TBCK: variants seen among roughly 807,000 people sequenced by gnomAD.
The protein encoded by TBCK is TBC domain-containing protein kinase-like protein.
Under a neutral mutation model 113.4 loss-of-function variants are expected in TBCK, and 99 were observed. The observed-to-expected ratio is 0.87, with a 90% confidence interval of 0.74 to 1.03. TBCK has a LOEUF of 1.03. Ranked by LOEUF, TBCK falls within the 50% of genes least tolerant of loss-of-function variation. The pLI is 0.00. For synonymous variants in TBCK, 369 were observed against 370.8 expected (o/e 1.00, Z 0.05); for missense variants, 1,045 against 1,061.3 (o/e 0.98, Z 0.21).
At chr4:106,307,383 T>C (rs985609446) in intron 2 of TBCK, among the ~76,000 whole-genome samples, 3 of 152,138 alleles carry the variant, frequency 2.0e-5, no homozygotes, top group Admixed American at 1.3e-4. Flanking sequence ...CTAAGAATAT[T>C]GCCTTATATA....
chr4:106,193,686 G>A lies in TBCK; in HGVS notation c.1982C>T (p.Ala661Val), dbSNP rs768774038. 9 of 1,613,292 alleles carry A rather than the reference G, an allele frequency of 5.6e-6. No individual in the cohort carries two copies. The highest frequency in any genetic ancestry group is 7.6e-6 in the Non-Finnish European group (9 of 1,179,560). ...NSSFPFCIGV[A>V]ILQQLRDRLL... ...CCGGTCCCGCAGCTGCTGAAGAATT[G>A]CTACTCCAATACAGAATGGGAAAGA... The change falls in exon 22 of 26, where the codon GCA becomes GTA. Residue 661 changes from alanine (A) to valine (V), a missense_variant. Physicochemically the swap from Ala to Val is moderately conservative, Grantham distance 64. Transcript: ENST00000394708.
At chr4:106,282,802 CT>C (rs1560963137) in intron 3 of TBCK, among the ~76,000 whole-genome samples, 1 of 152,094 alleles carries the variant, frequency 6.6e-6, no homozygotes, top group African/African-American at 2.4e-5. Context: ...GAGGGAATCT[CT>C]TCACAGGGCA....
intron 3 of TBCK, among the ~76,000 whole-genome samples, chr4:106,279,717 C>T (rs1056963031): frequency 1.3e-5 from 2 of 152,124 alleles, no homozygotes; most frequent in Non-Finnish European, 2.9e-5. Flanking sequence ...TATCATTTAA[C>T]AAAATGACCT....
chr4:106,152,136 A>C (rs1156868734), intron 23 of TBCK, among the ~76,000 whole-genome samples: 7 of 151,938 alleles, frequency 4.6e-5, no homozygotes, highest in Non-Finnish European at 1.0e-4. Flanking sequence ...ACAGTAGTTA[A>C]AGTGGGCCAT....
chr4:106,235,234 A>T (rs1759312389), intron 15 of TBCK, 35 bp downstream of exon 15: 1 of 1,431,204 alleles, frequency 7.0e-7, no homozygotes, highest in East Asian at 2.3e-5. Flanking sequence ...TCTTTGCATA[A>T]TTAATCAGCT....
In TBCK at chr4:106,122,249, C is replaced by T. The variant is rs543461791; in HGVS notation, c.2236-5871G>A. ...CCATCAGAGAATACTACAAACACCT[C>T]TACGCAAATAAACTAGAAAATCTAA... is the stretch of plus-strand genomic sequence containing the variant. On this transcript the variant is annotated intron_variant, in intron 23 of 25. Transcript: ENST00000394708. Among the ~76,000 whole-genome samples, 22 of 152,222 alleles carry T rather than the reference C, an allele frequency of 1.4e-4. No individual in the cohort carries two copies. The East Asian group carries it at 4.2e-3, about 29-fold the overall frequency.
rs553127114 is a variant in TBCK at position 106,202,235 on chromosome 4, C to T, written c.1861-7481G>A. ...AGCAGAAAATAAAAAGAATAGACTC[C>T]TAGGCACTGTATAAAATATTTTATT... On this transcript the variant is annotated intron_variant, in intron 20 of 25. Transcript: ENST00000394708. 3.3e-5 allele frequency among the ~76,000 whole-genome samples: 5 copies of T among 151,520 alleles called. No individual in the cohort carries two copies. In the South Asian group the frequency reaches 1.0e-3, roughly 32 times the overall value.
At chr4:106,181,980 T>C (rs547369495) in intron 22 of TBCK, among the ~76,000 whole-genome samples, 1 of 152,338 alleles carries the variant, frequency 6.6e-6, no homozygotes, top group Admixed American at 6.5e-5. Context: ...TTTCACAATA[T>C]TGATTCTTCC....
chr4:106,268,614 C>T (rs61544154), intron 3 of TBCK, among the ~76,000 whole-genome samples: 21,448 of 151,896 alleles, frequency 0.14, 1,705 homozygotes, highest in South Asian at 0.25. Context: ...AAAAAAAATT[C>T]ATTTGCTGAA....
rs150393070 is a variant in TBCK at position 106,232,770 on chromosome 4, A to T, written c.1639+168T>A. 1.8e-3 allele frequency among the ~76,000 whole-genome samples: 267 copies of T among 152,178 alleles called. 6 individuals carry two copies. The East Asian group carries it at 0.048, about 27-fold the overall frequency. On this transcript the variant is annotated intron_variant, in intron 17 of 25. Transcript: ENST00000394708. ...TAATGATATCTACTAGGATTTAGAC[A>T]AAGATTTTTAAAAATGTTTGGATGT...
At chr4:106,173,056 G>A (rs1389164021) in intron 22 of TBCK, among the ~76,000 whole-genome samples, 1 of 152,120 alleles carries the variant, frequency 6.6e-6, no homozygotes, top group African/African-American at 2.4e-5. Flanking sequence ...CCTTAGTGAT[G>A]TTTACCAACT....
At chr4:106,116,404 A>C (rs775089776) in intron 23 of TBCK, 26 bp from the exon 24 acceptor site, 16 of 1,569,446 alleles carry the variant, frequency 1.0e-5, no homozygotes, top group African/African-American at 2.8e-5. Context: ...TACAAAAAAA[A>C]ATATTGAGAA....
intron 23 of TBCK, among the ~76,000 whole-genome samples, chr4:106,147,511 T>G (rs947743148): frequency 6.6e-6 from 1 of 152,176 alleles, no homozygotes. Context: ...CATTTATTAG[T>G]TCCCCAAATT....
Position 106,050,848 on chromosome 4 carries a change from G to A in TBCK, c.2572-4168C>T, listed in dbSNP as rs186407362. Among the ~76,000 whole-genome samples, 90 of 152,016 alleles carry A rather than the reference G, an allele frequency of 5.9e-4. 3 individuals are homozygous for A. The highest frequency in any genetic ancestry group is 1.7e-3 in the Admixed American group (26 of 15,262). ...ATTTTTGTGGACAGTACTCCATGTGGGGAGGGCAAAGCTTTTGTATTTTCA... is the reference window on the plus strand; with the variant it reads ...ATTTTTGTGGACAGTACTCCATGTGAGGAGGGCAAAGCTTTTGTATTTTCA... On this transcript the variant is annotated intron_variant, in intron 25 of 25. Transcript: ENST00000394708.
intron 23 of TBCK, among the ~76,000 whole-genome samples, chr4:106,152,508 G>A (rs917932800): frequency 2.6e-5 from 4 of 151,756 alleles, no homozygotes; most frequent in Non-Finnish European, 5.9e-5. Flanking sequence ...GAGAATTTTT[G>A]CATCAACATT....
rs1373803200 is a variant in TBCK at position 106,043,188 on chromosome 4, C to A, written c.*3382G>T. 6.6e-6 allele frequency: 1 copy of A among 151,962 alleles called. No homozygotes were observed. The highest frequency in any genetic ancestry group is 1.5e-5 in the Non-Finnish European group (1 of 67,970). 9.4% of individuals were successfully genotyped at this position (151,962 alleles called of 1,614,324 possible). On this transcript the variant is annotated 3_prime_UTR_variant, in exon 26 of 26. Transcript: ENST00000394708. ...TTAAGCATTAGTTATTTTTAATATG[C>A]TTTTTGAATCTAACATTTCTGTATT...
At chr4:106,101,333 T>C (rs1303687486) in intron 24 of TBCK, among the ~76,000 whole-genome samples, 1 of 152,138 alleles carries the variant, frequency 6.6e-6, no homozygotes, top group East Asian at 1.9e-4. Context: ...ACTCCCACAT[T>C]ATACAAAGCC....
rs752779985 is a variant in TBCK, at chr4:106,095,580, C to T, written c.2473G>A (p.Glu825Lys). The T allele has an allele frequency of 1.4e-5, 23 of 1,614,008 alleles. No homozygotes were observed. The South Asian group carries it at 2.4e-4, about 17-fold the overall frequency. ...TAAGGGCCCTGGGTAAGCTCCCCTT[C>T]TGCAGTGAAGGCAGCACTGAATGGA... Reference protein sequence around the residue: ...NIPFSAAFTAEGELTQGPYTA... With the variant: ...NIPFSAAFTAKGELTQGPYTA... Residue 825 changes from glutamate to lysine, a missense_variant, in exon 25 of 26, where the codon GAA becomes AAA. Physicochemically the swap from Glu to Lys is moderately conservative, Grantham distance 56. Coordinates refer to ENST00000394708, the MANE Select transcript of TBCK (RefSeq NM_001163435.3).
At chr4:106,103,223 C>T (rs190051349) in intron 24 of TBCK, among the ~76,000 whole-genome samples, 9 of 152,212 alleles carry the variant, frequency 5.9e-5, no homozygotes, top group Admixed American at 2.0e-4. Flanking sequence ...CAGTTTTCCT[C>T]GATTCTGTGG....
Sources: allele counts gnomAD v4.1 joint callset (sites outside exome capture counted in the v4.1 genomes callset), GRCh38; gene constraint gnomAD v4.1.1; transcripts MANE v1.5; gene names NCBI Gene and HGNC (gene_info 2026-07-23, HGNC 2026-07-21).